The following EGFR variants were observed in gnomAD, a reference collection of about 807,000 sequenced individuals.
EGFR encodes epidermal growth factor receptor.
In EGFR, 58 loss-of-function variants were observed where a neutral mutation model predicts 143.0. That is an observed-to-expected ratio of 0.41 (90% CI 0.33 to 0.50). EGFR has a LOEUF of 0.50. Among genes scored for constraint, EGFR ranks in the 20% least tolerant of loss-of-function variants. The pLI is 0.39. For synonymous variants in EGFR, 613 were observed against 594.4 expected (o/e 1.03, Z -0.45); for missense variants, 1,307 against 1,579.0 (o/e 0.83, Z 2.92).
chr7:55,042,361 C>T (rs1787944009), intron 1 of EGFR, among the ~76,000 whole-genome samples: 1 of 152,156 alleles, frequency 6.6e-6, no homozygotes, highest in Admixed American at 6.5e-5. Context: ...CTGATTGAAC[C>T]TTCCCAGAGC....
In EGFR at chr7:55,205,383, G is replaced by T. The variant is rs2128975292; in HGVS notation, c.3399G>T (p.Val1133=). ...ACCAGGACCCCCACAGCACTGCAGTGGGCAACCCCGAGTATCTCAACACTG... is the reference window on the plus strand; with the variant it reads ...ACCAGGACCCCCACAGCACTGCAGTTGGCAACCCCGAGTATCTCAACACTG... ...PHYQDPHSTA[V]GNPEYLNTVQ... The change falls in exon 28 of 28, where the codon GTG becomes GTT. Residue 1133 remains valine, a synonymous_variant. Transcript: ENST00000275493. 1 of 1,614,018 alleles carries T rather than the reference G, an allele frequency of 6.2e-7. No individual in the cohort carries two copies. The highest frequency in any genetic ancestry group is 8.5e-7 in the Non-Finnish European group (1 of 1,179,980).
intron 1 of EGFR, among the ~76,000 whole-genome samples, chr7:55,090,533 G>A (rs565645598): frequency 6.6e-6 from 1 of 152,258 alleles, no homozygotes; most frequent in Non-Finnish European, 1.5e-5. Flanking sequence ...AGATGTTAAA[G>A]CATAACATGA....
rs6969716 is a variant in EGFR, at chr7:55,023,627, C to T, written c.88+4262C>T. On this transcript the variant is annotated intron_variant, in intron 1 of 27. Transcript: ENST00000275493. Reference sequence around the variant, plus strand: ...GATCGCACCATTGCACTCCAGCCCGCGCGACAGTGTGAGACTCCATCTCAA... The same window carrying T: ...GATCGCACCATTGCACTCCAGCCCGTGCGACAGTGTGAGACTCCATCTCAA... 8.9e-4 allele frequency among the ~76,000 whole-genome samples: 120 copies of T among 134,106 alleles called. 1 individual carries two copies. The highest frequency in any genetic ancestry group is 2.8e-3 in the African/African-American group (101 of 35,462). The allele number at this position is 134,106 out of a possible 152,430, so 88.0% of individuals were successfully genotyped here.
intron 20 of EGFR, chr7:55,188,764 C>T (rs915836520): frequency 5.3e-5 from 8 of 152,222 alleles, no homozygotes; most frequent in South Asian, 4.2e-4. Flanking sequence ...GGCAGTGGGA[C>T]GGAGACCCAT....
chr7:55,181,391 C>A lies in EGFR; in HGVS notation c.2382C>A (p.Pro794=). ...STVQLITQLM[P]FGCLLDYVRE... is the part of the protein sequence containing the mutation. ...TGCAGCTCATCACGCAGCTCATGCC[C>A]TTCGGCTGCCTCCTGGACTATGTCC... The change falls in exon 20 of 28, where the codon CCC becomes CCA. Residue 794 remains proline (P), a synonymous_variant. Coordinates refer to ENST00000275493, the MANE Select transcript of EGFR (RefSeq NM_005228.5). 6.2e-7 allele frequency: 1 copy of A among 1,614,224 alleles called. No homozygotes were observed. Among genetic ancestry groups the A allele is most frequent in the Non-Finnish European group, 8.5e-7 (1 of 1,180,022 alleles).
chr7:55,116,681 G>A (rs1300169898), intron 1 of EGFR, among the ~76,000 whole-genome samples: 2 of 152,208 alleles, frequency 1.3e-5, no homozygotes, highest in African/African-American at 4.8e-5. Context: ...CTGGGACAGG[G>A]CTACCACCAT....
intron 1 of EGFR, among the ~76,000 whole-genome samples, chr7:55,021,199 G>T (rs1444917596): frequency 6.6e-6 from 1 of 152,226 alleles, no homozygotes; most frequent in Non-Finnish European, 1.5e-5. Flanking sequence ...GGAACTGGTG[G>T]AAAGGTTTCT....
chr7:55,172,881 A>T (rs1316961162), intron 16 of EGFR, 102 bp from the exon 17 acceptor site: 2 of 1,609,766 alleles, frequency 1.2e-6, no homozygotes, highest in Non-Finnish European at 1.7e-6. Flanking sequence ...AGATCATTCT[A>T]CAAGATGTCA....
intron 19 of EGFR, among the ~76,000 whole-genome samples, chr7:55,176,097 C>G (rs544307837): frequency 1.3e-5 from 2 of 152,328 alleles, no homozygotes; most frequent in South Asian, 4.1e-4. Context: ...TGAAGCCTTT[C>G]ACTTACAATC....
chr7:55,163,859 T>C (rs1456684941), intron 14 of EGFR, 36 bp downstream of exon 14: 1 of 1,609,392 alleles, frequency 6.2e-7, no homozygotes, highest in Non-Finnish European at 8.5e-7. Flanking sequence ...GTCCATTTCA[T>C]GGGAAGGGCC....
At position 55,205,891 on chromosome 7, in the gene EGFR, TATATTTG is replaced by T; in HGVS notation, c.*276_*282del. On this transcript the variant is annotated 3_prime_UTR_variant, in exon 28 of 28. Transcript: ENST00000275493. ...AGCAGAAATTTATCTTTCAAAGAGG[TATATTTG>T]AAAAAAAAAAAAAGTATATGTGAGG... The T allele has an allele frequency of 2.1e-6, 1 of 483,896 alleles. No homozygotes were observed. Among genetic ancestry groups the T allele is most frequent in the Non-Finnish European group, 3.6e-6 (1 of 279,720 alleles). 30.0% of individuals were successfully genotyped at this position (483,896 alleles called of 1,614,324 possible).
intron 1 of EGFR, among the ~76,000 whole-genome samples, chr7:55,024,420 G>A (rs763902495): frequency 1.3e-5 from 2 of 152,172 alleles, no homozygotes; most frequent in Non-Finnish European, 2.9e-5. Flanking sequence ...ATTCTGGTGG[G>A]TTTTCAAGGA....
At chr7:55,143,576 C>T (rs1302697817) in intron 3 of EGFR, 88 bp downstream of exon 3, 2 of 1,463,596 alleles carry the variant, frequency 1.4e-6, no homozygotes, top group Admixed American at 1.8e-5. Flanking sequence ...TCAATTCCAC[C>T]TCGGAGAAGG....
intron 1 of EGFR, among the ~76,000 whole-genome samples, chr7:55,033,109 G>A (rs1787357131): frequency 6.6e-6 from 1 of 152,190 alleles, no homozygotes; most frequent in South Asian, 2.1e-4. Context: ...AGGTCAGTGT[G>A]ATTCTAGAAC....
intron 1 of EGFR, among the ~76,000 whole-genome samples, chr7:55,078,525 C>T (rs547316216): frequency 4.3e-4 from 66 of 152,322 alleles, no homozygotes; most frequent in Non-Finnish European, 4.0e-4. Flanking sequence ...GCTGGTCCCC[C>T]GTGGGGAACT....
intron 19 of EGFR, among the ~76,000 whole-genome samples, chr7:55,179,453 A>G (rs371299727): frequency 9.2e-5 from 14 of 152,196 alleles, no homozygotes; most frequent in African/African-American, 3.1e-4. Context: ...GGCTCCTCTG[A>G]GAAAGAGTCT....
chr7:55,033,610 C>A (rs549963186), intron 1 of EGFR, among the ~76,000 whole-genome samples: 1 of 152,152 alleles, frequency 6.6e-6, no homozygotes, highest in Non-Finnish European at 1.5e-5. Context: ...CTAGGGGAGG[C>A]GGGCCTGGGC....
Position 55,206,445 on chromosome 7 carries a change from A to T in EGFR, c.*828A>T, listed in dbSNP as rs1327819918. 1 of 233,216 alleles carries T rather than the reference A, an allele frequency of 4.3e-6. No individual in the cohort carries two copies. The highest frequency in any genetic ancestry group is 2.2e-5 in the African/African-American group (1 of 45,336). 14.4% of individuals were successfully genotyped at this position (233,216 alleles called of 1,614,324 possible). ...AAGAGAGGATGACACATCAAATAAT[A>T]ACTCGGATTCCAGCCCACATTGGAT... On this transcript the variant is annotated 3_prime_UTR_variant, in exon 28 of 28. Coordinates refer to ENST00000275493, the MANE Select transcript of EGFR (RefSeq NM_005228.5).
intron 1 of EGFR, among the ~76,000 whole-genome samples, chr7:55,100,079 G>C (rs1791714701): frequency 6.6e-6 from 1 of 152,216 alleles, no homozygotes; most frequent in Admixed American, 6.5e-5. Context: ...ACTCTGAATG[G>C]AAAGCAGCAT....
Sources: gnomAD v4.1 joint callset for allele counts (sites outside exome capture counted in the v4.1 genomes callset) on GRCh38, gnomAD v4.1.1 for gene constraint, MANE v1.5 for transcripts, NCBI Gene and HGNC (gene_info 2026-07-23, HGNC 2026-07-21) for gene names.